The following ZBTB7C variants were observed in gnomAD, a reference collection of about 807,000 sequenced individuals.
ZBTB7C encodes the protein zinc finger and BTB domain-containing protein 7C.
A neutral mutation model predicts 25.7 loss-of-function variants in ZBTB7C; 8 were observed. That is an observed-to-expected ratio of 0.31 (90% CI 0.18 to 0.56). The LOEUF (loss-of-function observed/expected upper bound fraction) is 0.56, where lower values mean the gene tolerates loss of function less well. Among genes scored for constraint, ZBTB7C ranks in the 20% least tolerant of loss-of-function variants. ZBTB7C has a pLI of 0.91. For missense variants in ZBTB7C, 824 were observed against 855.2 expected (o/e 0.96, Z 0.46); for synonymous variants, 394 against 369.0 (o/e 1.07, Z -0.78).
At chr18:48,142,488 T>G (rs1452318789) in intron 3 of ZBTB7C, among the ~76,000 whole-genome samples, 1 of 152,206 alleles carries the variant, frequency 6.6e-6, no homozygotes, top group Non-Finnish European at 1.5e-5. Flanking sequence ...CCTGGCTGGC[T>G]GCACAGTAGG....
At chr18:48,380,549 T>C (rs759789697) in intron 1 of ZBTB7C, among the ~76,000 whole-genome samples, 9 of 152,164 alleles carry the variant, frequency 5.9e-5, no homozygotes, top group Admixed American at 6.5e-5. Context: ...CACACACATA[T>C]ATATCCATGC....
At chr18:48,132,475 T>C (rs1419423638) in intron 3 of ZBTB7C, among the ~76,000 whole-genome samples, 1 of 152,196 alleles carries the variant, frequency 6.6e-6, no homozygotes, top group Non-Finnish European at 1.5e-5. Context: ...GTAATCAAGA[T>C]ACTATAAAAC....
intron 3 of ZBTB7C, among the ~76,000 whole-genome samples, chr18:48,113,701 C>G (rs2039326462): frequency 6.6e-6 from 1 of 152,258 alleles, no homozygotes; most frequent in South Asian, 2.1e-4. Flanking sequence ...GCTGAGCCCT[C>G]CACACAGATT....
At chr18:48,269,399 CA>C (rs2044408518) in intron 2 of ZBTB7C, among the ~76,000 whole-genome samples, 1 of 152,194 alleles carries the variant, frequency 6.6e-6, no homozygotes, top group South Asian at 2.1e-4. Flanking sequence ...AATCACCGTC[CA>C]AAAGCCACAC....
chr18:48,168,068 G>A (rs2041330706), intron 3 of ZBTB7C, among the ~76,000 whole-genome samples: 1 of 152,198 alleles, frequency 6.6e-6, no homozygotes, highest in South Asian at 2.1e-4. Flanking sequence ...ACACTCTGAG[G>A]GTGCCACAGT....
chr18:48,197,100 T>G (rs183293774), intron 2 of ZBTB7C, among the ~76,000 whole-genome samples: 165 of 152,252 alleles, frequency 1.1e-3, no homozygotes, highest in Non-Finnish European at 1.9e-3. Flanking sequence ...CTGGGGAAGA[T>G]GCTCCACTAT....
intron 2 of ZBTB7C, among the ~76,000 whole-genome samples, chr18:48,260,814 C>T (rs1598726526): frequency 1.3e-5 from 2 of 152,292 alleles, no homozygotes; most frequent in South Asian, 4.1e-4. Context: ...GGCAGCAAAG[C>T]CTGCCCTAGG....
intron 3 of ZBTB7C, among the ~76,000 whole-genome samples, chr18:48,169,201 A>G (rs376397268): frequency 3.3e-5 from 5 of 152,176 alleles, no homozygotes; most frequent in African/African-American, 1.2e-4. Context: ...TCCTGCACGC[A>G]TTGTCCCATC....
chr18:48,056,559 C>T (rs1037787924), intron 3 of ZBTB7C, among the ~76,000 whole-genome samples: 4 of 152,034 alleles, frequency 2.6e-5, no homozygotes, highest in African/African-American at 9.7e-5. Context: ...CACGGGCAGT[C>T]CATAAACAGA....
At chr18:48,397,544 A>G (rs2048058544) in intron 1 of ZBTB7C, among the ~76,000 whole-genome samples, 1 of 152,182 alleles carries the variant, frequency 6.6e-6, no homozygotes, top group Admixed American at 6.5e-5. Flanking sequence ...GCTCATTTGG[A>G]ATAATAACAT....
intron 3 of ZBTB7C, among the ~76,000 whole-genome samples, chr18:48,079,370 G>T (rs4940237): frequency 1.3e-5 from 2 of 152,000 alleles, no homozygotes; most frequent in African/African-American, 4.8e-5. Context: ...TAAAACATTT[G>T]TGCCCAATTT....
At chr18:48,234,937 T>G (rs1441577852) in intron 2 of ZBTB7C, among the ~76,000 whole-genome samples, 1 of 152,226 alleles carries the variant, frequency 6.6e-6, no homozygotes, top group African/African-American at 2.4e-5. Context: ...GCTGTGAACC[T>G]TGTTAGCACT....
intron 1 of ZBTB7C, among the ~76,000 whole-genome samples, chr18:48,350,137 A>G (rs141688697): frequency 1.3e-5 from 2 of 152,332 alleles, no homozygotes; most frequent in African/African-American, 4.8e-5. Flanking sequence ...AAATGGCCAC[A>G]CCCTTAGTGG....
intron 1 of ZBTB7C, among the ~76,000 whole-genome samples, chr18:48,385,205 T>C (rs972344186): frequency 3.3e-5 from 5 of 152,210 alleles, no homozygotes; most frequent in South Asian, 2.1e-4. Context: ...GGACCTCATA[T>C]GATATTTTGT....
chr18:48,404,251 T>A (rs1432305986), intron 1 of ZBTB7C, among the ~76,000 whole-genome samples: 2 of 148,418 alleles, frequency 1.3e-5, no homozygotes, highest in African/African-American at 5.0e-5. Context: ...AGAGACTCCA[T>A]CTCAAAAAAA....
chr18:48,124,378 G>A (rs564974032), intron 3 of ZBTB7C, among the ~76,000 whole-genome samples: 1 of 152,254 alleles, frequency 6.6e-6, no homozygotes, highest in African/African-American at 2.4e-5. Context: ...ACAGTCCTTA[G>A]AGCCAAGCAA....
intron 3 of ZBTB7C, among the ~76,000 whole-genome samples, chr18:48,055,401 C>T (rs1450574155): frequency 8.5e-6 from 1 of 118,130 alleles, no homozygotes; most frequent in Non-Finnish European, 1.7e-5. Context: ...CAGAGTAAGA[C>T]TCAAGTCTCA....
At chr18:48,310,484 A>G (rs2045790660) in intron 2 of ZBTB7C, among the ~76,000 whole-genome samples, 2 of 152,050 alleles carry the variant, frequency 1.3e-5, no homozygotes, top group Non-Finnish European at 2.9e-5. Context: ...CTGTTAGAAC[A>G]AGCAGCCTTT....
intron 3 of ZBTB7C, among the ~76,000 whole-genome samples, chr18:48,138,790 A>G (rs555295784): frequency 1.3e-5 from 2 of 152,284 alleles, no homozygotes; most frequent in East Asian, 3.9e-4. Context: ...TTAAATATCC[A>G]ATGAAGCATT....
Sources: allele counts gnomAD v4.1 joint callset (sites outside exome capture counted in the v4.1 genomes callset), GRCh38; gene constraint gnomAD v4.1.1; transcripts MANE v1.5; gene names NCBI Gene and HGNC (gene_info 2026-07-23, HGNC 2026-07-21).